WASHC2A: variants seen among roughly 807,000 people sequenced by gnomAD.
WASHC2A encodes WASH complex subunit FAM21A.
WASHC2A carries 82 observed loss-of-function variants against 140.3 expected under a neutral mutation model. The observed-to-expected ratio is 0.58, with a 90% CI of 0.49 to 0.70. WASHC2A has a LOEUF of 0.70. Ranked by LOEUF, WASHC2A falls within the 30% of genes least tolerant of loss-of-function variation. WASHC2A has a pLI of 0.00. For missense variants in WASHC2A, 985 were observed against 1,521.8 expected, an observed-to-expected ratio of 0.65 and a Z score of 5.87; for synonymous variants, 340 against 560.8, an observed-to-expected ratio of 0.61 and a Z score of 5.56.
chr10:50,123,034 C>T (rs1843129598), intron 23 of WASHC2A, among the ~76,000 whole-genome samples: 1 of 121,646 alleles, frequency 8.2e-6, no homozygotes, highest in African/African-American at 3.4e-5. Flanking sequence ...AAGCCAAAAC[C>T]ACAGTGACAT....
intron 17 of WASHC2A, among the ~76,000 whole-genome samples, chr10:50,103,459 C>T (rs1297974369): frequency 2.0e-5 from 3 of 152,066 alleles, no homozygotes; most frequent in African/African-American, 4.8e-5. Flanking sequence ...ACTCAGGAGG[C>T]AGAGGCAGGA....
rs1230291492 is a variant in WASHC2A at position 50,083,219 on chromosome 10, C to G, written c.529-853C>G. 6.1e-5 allele frequency among the ~76,000 whole-genome samples: 7 copies of G among 113,932 alleles called. 1 individual carries two copies. Among genetic ancestry groups the G allele is most frequent in the African/African-American group, 2.6e-4 (7 of 27,012 alleles). 74.7% of individuals were successfully genotyped at this position (113,932 alleles called of 152,430 possible). A position where few individuals can be genotyped will look rare whatever the true frequency, so the allele number is the denominator to read the frequency against. On this transcript the variant is annotated intron_variant, in intron 5 of 30. Transcript: ENST00000282633. ...TTCACCACGTTGGCCAGGCTGGTCT[C>G]AAACTCCTGACCTCAAGTGATCCAT... is the stretch of plus-strand genomic sequence containing the variant.
intron 3 of WASHC2A, among the ~76,000 whole-genome samples, chr10:50,077,116 CAA>C (rs1337138073): frequency 2.8e-4 from 33 of 119,976 alleles, no homozygotes; most frequent in Admixed American, 6.8e-4. Context: ...GACTCCATCT[CAA>C]AAAAAAAAAA....
chr10:50,087,227 T>G, intron 7 of WASHC2A, 48 bp from the exon 8 acceptor site: 1 of 1,613,380 alleles, frequency 6.2e-7, no homozygotes. Context: ...ATTTCTGTGC[T>G]TCTAAGTAAA....
rs758684418 is a variant in WASHC2A at position 50,129,443 on chromosome 10, C to A, written c.3112C>A (p.Arg1038Ser). The change falls in exon 29 of 31, where the codon CGT (arginine) becomes AGT (serine). Residue 1038 changes from arginine (R) to serine (S), a missense_variant. Transcript: ENST00000282633. ...NKSRVKMRGK[R>S]RPQTRAARRL... ...GAGCCGTGTCAAGATGAGAGGGAAGCGTAGACCGCAGACCCGTGCAGCTAG... is the reference window on the plus strand; with the variant it reads ...GAGCCGTGTCAAGATGAGAGGGAAGAGTAGACCGCAGACCCGTGCAGCTAG... 2 of 1,612,050 alleles carry A rather than the reference C, an allele frequency of 1.2e-6. No individual in the cohort carries two copies.
Position 50,084,165 on chromosome 10 carries a change from G to C in WASHC2A, c.622G>C (p.Glu208Gln). 8 of 1,610,964 alleles carry C rather than the reference G, an allele frequency of 5.0e-6. No homozygotes were observed. Among genetic ancestry groups the C allele is most frequent in the Non-Finnish European group, 5.9e-6 (7 of 1,179,618 alleles). Residue 208 changes from glutamate (E) to glutamine (Q), a missense_variant and splice_region_variant, in exon 6 of 31, where the codon GAA (glutamate) becomes CAA (glutamine). By Grantham distance (29) the Glu-to-Gln change is conservative. Coordinates refer to ENST00000282633, the MANE Select transcript of WASHC2A (RefSeq NM_001005751.3). ...AGGTCTTGGAGAGCTGTCCAGTGAA[G>C]GTACTTTTCTTCACCAAATAATTTT... ...DVGLGELSSE[E>Q]GSVGSDRGSI...
chr10:50,125,866 A>G (rs1480707457), intron 25 of WASHC2A, among the ~76,000 whole-genome samples, 191 bp from the exon 26 acceptor site: 44,744 of 151,836 alleles, frequency 0.29, 7,321 homozygotes, highest in Middle Eastern at 0.41. Context: ...TCTTTTTATC[A>G]TAGAGAGGAC....
chr10:50,104,128 TGATGAA>T lies in WASHC2A; in HGVS notation c.1731_1736del (p.Asp577_Glu578del), dbSNP rs1554887770. ...TCCCCACGTTGGTTTCCCTGTTTGA[TGATGAA>T]GATGAAGAGGTAAACATTGTTATTG... On this transcript the variant is annotated inframe_deletion, in exon 18 of 31. Coordinates refer to ENST00000282633, the MANE Select transcript of WASHC2A (RefSeq NM_001005751.3). The T allele has an allele frequency of 6.8e-7, 1 of 1,467,772 alleles. No homozygotes were observed. The highest frequency in any genetic ancestry group is 9.4e-7 in the Non-Finnish European group (1 of 1,060,576). The allele number at this position is 1,467,772 out of a possible 1,614,324, so 90.9% of individuals were successfully genotyped here. A position where few individuals can be genotyped will look rare whatever the true frequency, so the allele number is the denominator to read the frequency against.
At chr10:50,069,372 T>G in intron 2 of WASHC2A, 175 bp from the exon 3 acceptor site, 1 of 960,420 alleles carries the variant, frequency 1.0e-6, no homozygotes, top group Non-Finnish European at 1.4e-6. Context: ...TGAGCCGAGA[T>G]GGCGCCATTG....
In WASHC2A at chr10:50,114,408, G is replaced by A. The variant is rs1160881090; in HGVS notation, c.2142+411G>A. On this transcript the variant is annotated intron_variant, in intron 21 of 30. Transcript: ENST00000282633. ...TACAAAATGCATGAACCTTGAGGCC[G>A]TTATACTCTATCAGTGGAGAAATGG... 2.2e-5 allele frequency among the ~76,000 whole-genome samples: 2 copies of A among 92,662 alleles called. 1 individual carries two copies. Among genetic ancestry groups the A allele is most frequent in the Admixed American group, 2.4e-4 (2 of 8,262 alleles). The allele number at this position is 92,662 out of a possible 152,430, so 60.8% of individuals were successfully genotyped here. A position where few individuals can be genotyped will look rare whatever the true frequency, so the allele number is the denominator to read the frequency against.
chr10:50,094,764 G>C (rs1304051259), intron 13 of WASHC2A, among the ~76,000 whole-genome samples: 1 of 150,706 alleles, frequency 6.6e-6, no homozygotes. Context: ...ATGTTTTTGC[G>C]GTTCTTTTTC....
chr10:50,132,488 T>C (rs1294067869), intron 30 of WASHC2A, among the ~76,000 whole-genome samples: 2 of 152,256 alleles, frequency 1.3e-5, no homozygotes, highest in South Asian at 2.1e-4. Flanking sequence ...TCTAAATAAG[T>C]CCATTGTCCC....
At chr10:50,124,321 C>T (rs1378899501) in intron 23 of WASHC2A, among the ~76,000 whole-genome samples, 2 of 151,592 alleles carry the variant, frequency 1.3e-5, no homozygotes, top group Non-Finnish European at 2.9e-5. Flanking sequence ...CCAGGCTGGT[C>T]TCGAACTCCT....
intron 28 of WASHC2A, 102 bp from the exon 29 acceptor site, chr10:50,129,317 C>A (rs1589290663): frequency 6.3e-7 from 1 of 1,592,450 alleles, no homozygotes; most frequent in Admixed American, 1.7e-5. Context: ...TTGAAGTAGA[C>A]CAGATAACCT....
Position 50,074,658 on chromosome 10 carries a change from C to G in WASHC2A, c.292-4017C>G, listed in dbSNP as rs375614392. Among the ~76,000 whole-genome samples, 72 of 152,148 alleles carry G rather than the reference C, an allele frequency of 4.7e-4. 1 individual carries two copies. In the East Asian group the frequency reaches 6.6e-3, roughly 14 times the overall value. Reference sequence around the variant, plus strand: ...ACAGTAGGCCGGGTGCGGTGGCTCACGCCTGTAGCACTTTGGGAGGCCGAG... The same window carrying G: ...ACAGTAGGCCGGGTGCGGTGGCTCAGGCCTGTAGCACTTTGGGAGGCCGAG... On this transcript the variant is annotated intron_variant, in intron 3 of 30. Transcript: ENST00000282633.
rs1483742661 is a variant in WASHC2A at position 50,133,030 on chromosome 10, T to G, written c.*85T>G. 5.0e-6 allele frequency: 8 copies of G among 1,606,334 alleles called. No homozygotes were observed. The African/African-American group carries it at 9.4e-5, about 19-fold the overall frequency. On this transcript the variant is annotated 3_prime_UTR_variant, in exon 31 of 31. Transcript: ENST00000282633. ...GTATATGCTGATGGTCTTAACTGGA[T>G]TACAAAAAGCAAATACTAGAACAGC...
intron 14 of WASHC2A, 96 bp from the exon 15 acceptor site, chr10:50,095,503 A>T: frequency 6.6e-7 from 1 of 1,513,660 alleles, no homozygotes; most frequent in Non-Finnish European, 9.0e-7. Context: ...GGATTAACTG[A>T]AATGGAAAGT....
At chr10:50,090,515 A>AAAATATATATATATATATATATAT (rs1214596899) in intron 8 of WASHC2A, among the ~76,000 whole-genome samples, 4 of 108,762 alleles carry the variant, frequency 3.7e-5, no homozygotes, top group African/African-American at 1.3e-4. Flanking sequence ...AAAAAAAAAA[A>AAAATATATATATATATATATATAT]ATATATATAT....
chr10:50,078,580 C>G lies in WASHC2A; in HGVS notation c.292-95C>G, dbSNP rs1448766018. On this transcript the variant is annotated intron_variant, in intron 3 of 30. Coordinates refer to ENST00000282633, the MANE Select transcript of WASHC2A (RefSeq NM_001005751.3). ...TTTGCTGAATAACCATTTCCTTCCCCATCTTTGTCCTTAGTTACTGTGTGA... is the reference window on the plus strand; with the variant it reads ...TTTGCTGAATAACCATTTCCTTCCCGATCTTTGTCCTTAGTTACTGTGTGA... The G allele has an allele frequency of 2.5e-6, 4 of 1,611,440 alleles. No homozygotes were observed. The Admixed American group carries it at 6.7e-5, about 27-fold the overall frequency.
Sources: allele counts gnomAD v4.1 joint callset (sites outside exome capture counted in the v4.1 genomes callset), GRCh38; gene constraint gnomAD v4.1.1; transcripts MANE v1.5; gene names NCBI Gene and HGNC (gene_info 2026-07-23, HGNC 2026-07-21).